DERPC: variants seen among roughly 807,000 people sequenced by gnomAD.
DERPC encodes DERPC proline and glycine rich nuclear protein.
A neutral mutation model predicts 7.2 loss-of-function variants in DERPC; 1 was observed. The observed-to-expected ratio is 0.14, with a 90% confidence interval of 0.05 to 0.66. The LOEUF (loss-of-function observed/expected upper bound fraction) is 0.66, where lower values mean the gene tolerates loss of function less well. Among genes scored for constraint, DERPC ranks in the 30% least tolerant of loss-of-function variants. DERPC has a pLI of 0.84. For missense variants in DERPC, 502 were observed against 299.4 expected (o/e 1.68, Z -4.99); for synonymous variants, 185 against 117.6 (o/e 1.57, Z -3.71).
In DERPC at chr16:69,118,220, G is replaced by A; in HGVS notation, c.*634C>T. On this transcript the variant is annotated 3_prime_UTR_variant, in exon 3 of 3. Transcript: ENST00000519520. ...AGTACCAGTGAAGAGGGAGTTGGATGAGTAGAGGGGCCTTAAATCTGGCCA... is the reference window on the plus strand; with the variant it reads ...AGTACCAGTGAAGAGGGAGTTGGATAAGTAGAGGGGCCTTAAATCTGGCCA... 1.8e-6 allele frequency: 1 copy of A among 554,922 alleles called. No homozygotes were observed. The allele number at this position is 554,922 out of a possible 1,614,324, so 34.4% of individuals were successfully genotyped here. A position where few individuals can be genotyped will look rare whatever the true frequency, so the allele number is the denominator to read the frequency against.
At chr16:69,129,722 G>GC (rs1034623442) in intron 1 of DERPC, among the ~76,000 whole-genome samples, 3 of 152,076 alleles carry the variant, frequency 2.0e-5, no homozygotes, top group African/African-American at 7.2e-5. Context: ...TCCTCACACA[G>GC]CCCCCTCCTG....
At chr16:69,122,244 G>A (rs1300205650) in intron 1 of DERPC, among the ~76,000 whole-genome samples, 1 of 152,134 alleles carries the variant, frequency 6.6e-6, no homozygotes, top group East Asian at 1.9e-4. Context: ...ATGGTCAACT[G>A]TATGTGCAAA....
At chr16:69,129,346 C>T (rs1192800936) in intron 1 of DERPC, among the ~76,000 whole-genome samples, 3 of 144,138 alleles carry the variant, frequency 2.1e-5, no homozygotes, top group African/African-American at 7.7e-5. Flanking sequence ...AGGAGAATGG[C>T]GTGAACCCAG....
At chr16:69,130,546 G>C (rs1432265207) in intron 1 of DERPC, among the ~76,000 whole-genome samples, 1 of 152,116 alleles carries the variant, frequency 6.6e-6, no homozygotes, top group African/African-American at 2.4e-5. Flanking sequence ...CTGTGATTTT[G>C]CCACCTATCC....
intron 1 of DERPC, among the ~76,000 whole-genome samples, chr16:69,127,239 C>CA (rs532264036): frequency 2.2e-3 from 242 of 108,708 alleles, no homozygotes; most frequent in South Asian, 4.6e-3. Flanking sequence ...AACTCCGTCT[C>CA]AAAAAAAAAA....
chr16:69,120,443 G>A lies in DERPC; in HGVS notation c.-15C>T, dbSNP rs368953196. ...GGTTCTTTCATACTTTCTTGGGGAC[G>A]CTGGTGATAATGGGCTTGGGGCGGG... is the stretch of plus-strand genomic sequence containing the variant. On this transcript the variant is annotated 5_prime_UTR_variant, in exon 3 of 3. Transcript: ENST00000519520. The surrounding 1 kb of genome is among the most constrained non-coding windows in gnomAD (Gnocchi z 4.0). 99 of 1,614,036 alleles carry A rather than the reference G, an allele frequency of 6.1e-5. 1 individual carries two copies. The South Asian group carries it at 6.6e-4, about 11-fold the overall frequency.
intron 1 of DERPC, among the ~76,000 whole-genome samples, chr16:69,123,904 A>T (rs1961862246): frequency 6.8e-6 from 1 of 147,154 alleles, no homozygotes; most frequent in South Asian, 2.2e-4. Flanking sequence ...CCTGGCCAAC[A>T]TGATGAAACC....
rs573779360 is a variant in DERPC, at chr16:69,120,504, A to G, written c.-76T>C. On this transcript the variant is annotated 5_prime_UTR_variant, in exon 3 of 3. An upstream open reading frame in the 5' UTR loses its in-frame stop. Transcript: ENST00000519520. This position sits in a 1 kb window ranked among gnomAD's most constrained non-coding sequence, Gnocchi z 4.0. The stretch of plus-strand genomic sequence containing the variant: ...GATCTTGTCTTTGATGAGTGCTGTC[A>G]CCAGGTACCGGGTGCCAGTCTCGCG... The G allele has an allele frequency of 1.9e-6, 3 of 1,614,114 alleles. No homozygotes were observed. In the African/African-American group the frequency reaches 4.0e-5, roughly 22 times the overall value.
At chr16:69,130,185 A>G (rs912075549) in intron 1 of DERPC, among the ~76,000 whole-genome samples, 1 of 152,372 alleles carries the variant, frequency 6.6e-6, no homozygotes, top group East Asian at 1.9e-4. Flanking sequence ...GTGGCAGAAG[A>G]AAGTGTGATA....
At chr16:69,126,176 A>G (rs910622880) in intron 1 of DERPC, among the ~76,000 whole-genome samples, 2 of 152,354 alleles carry the variant, frequency 1.3e-5, no homozygotes, top group Admixed American at 1.3e-4. Context: ...AGGTGTTCAC[A>G]TAGGTACACG....
intron 1 of DERPC, among the ~76,000 whole-genome samples, chr16:69,123,475 G>A (rs1341875915): frequency 6.6e-6 from 1 of 151,994 alleles, no homozygotes; most frequent in Non-Finnish European, 1.5e-5. Flanking sequence ...TGGCCAACAC[G>A]GTGAAACCCA....
intron 1 of DERPC, among the ~76,000 whole-genome samples, chr16:69,123,034 T>C (rs1180612697): frequency 6.6e-6 from 1 of 152,124 alleles, no homozygotes; most frequent in Non-Finnish European, 1.5e-5. Flanking sequence ...GCTGGGATTA[T>C]AGGCTTGAGC....
chr16:69,120,635 C>G lies in DERPC; in HGVS notation c.-207G>C, dbSNP rs1042258566. On this transcript the variant is annotated 5_prime_UTR_variant, in exon 3 of 3. The change abolishes the stop of an existing upstream ORF in the 5' untranslated region. Transcript: ENST00000519520. This position sits in a 1 kb window ranked among gnomAD's most constrained non-coding sequence, Gnocchi z 4.0. ...CATACAGGATATGATGCCCCACGAT[C>G]AGCACAGGGATTCCCTTTGGCAGAA... 1.2e-6 allele frequency: 2 copies of G among 1,611,746 alleles called. No homozygotes were observed. Among genetic ancestry groups the G allele is most frequent in the African/African-American group, 1.3e-5 (1 of 74,866 alleles).
chr16:69,126,487 C>T (rs955901312), intron 1 of DERPC, among the ~76,000 whole-genome samples: 4 of 152,174 alleles, frequency 2.6e-5, no homozygotes, highest in Non-Finnish European at 5.9e-5. Context: ...TATGGCATTA[C>T]CAGACATCTA....
intron 1 of DERPC, among the ~76,000 whole-genome samples, chr16:69,123,646 A>T (rs1284173044): frequency 6.6e-6 from 1 of 152,094 alleles, no homozygotes; most frequent in African/African-American, 2.4e-5. Flanking sequence ...AGACTGTCTC[A>T]AAAAATCAAT....
At chr16:69,124,132 T>C (rs1187250092) in intron 1 of DERPC, among the ~76,000 whole-genome samples, 5 of 151,648 alleles carry the variant, frequency 3.3e-5, no homozygotes. Context: ...AAGGATAATA[T>C]GCTTTCATTT....
At chr16:69,131,602 C>T (rs1026890291) in intron 1 of DERPC, among the ~76,000 whole-genome samples, 2 of 145,994 alleles carry the variant, frequency 1.4e-5, no homozygotes, top group African/African-American at 5.1e-5. Flanking sequence ...AATCCGCTTC[C>T]CCCCTCTTCT....
chr16:69,119,678 C>A lies in DERPC; in HGVS notation c.751G>T (p.Ala251Ser). Residue 251 changes from alanine to serine, a missense_variant, in exon 3 of 3, where the codon GCC becomes TCC. Coordinates refer to ENST00000519520, the MANE Select transcript of DERPC (RefSeq NM_001002847.4). ...GTGCCCAAGAGGCCACCTGCTCTGG[C>A]ATCTAGATTAGGGCCTGGGCCCAGG... ...SGLGPGPNLD[A>S]RAGGLLGTGS... The A allele has an allele frequency of 1.5e-6, 1 of 674,284 alleles. No individual in the cohort carries two copies. Among genetic ancestry groups the A allele is most frequent in the South Asian group, 1.6e-5 (1 of 64,302 alleles). The allele number at this position is 674,284 out of a possible 1,614,324, so 41.8% of individuals were successfully genotyped here. A position where few individuals can be genotyped will look rare whatever the true frequency, so the allele number is the denominator to read the frequency against.
In DERPC at chr16:69,118,903, G is replaced by C. The variant is rs1475169709; in HGVS notation, c.1526C>G (p.Pro509Arg). 1.4e-6 allele frequency: 1 copy of C among 703,148 alleles called. No homozygotes were observed. Among genetic ancestry groups the C allele is most frequent in the South Asian group, 1.5e-5 (1 of 67,604 alleles). The allele number at this position is 703,148 out of a possible 1,614,324, so 43.6% of individuals were successfully genotyped here. The change falls in exon 3 of 3, where the codon CCA becomes CGA. Residue 509 changes from proline (P) to arginine (R), a missense_variant. By Grantham distance (103) the Pro-to-Arg change is moderately radical. Coordinates refer to ENST00000519520, the MANE Select transcript of DERPC (RefSeq NM_001002847.4). ...PGTNPAAFPR[P>R]GGPMAAMYPN... ...GTACATTGCAGCCATTGGACCCCCTGGTCTGGGGAAAGCAGCTGGGTTTGT... is the reference window on the plus strand; with the variant it reads ...GTACATTGCAGCCATTGGACCCCCTCGTCTGGGGAAAGCAGCTGGGTTTGT...
Sources: gnomAD v4.1 joint callset for allele counts (sites outside exome capture counted in the v4.1 genomes callset) on GRCh38, gnomAD v4.1.1 for gene constraint, Gnocchi (gnomAD v3.1) non-coding constraint, MANE v1.5 for transcripts, NCBI Gene and HGNC (gene_info 2026-07-23, HGNC 2026-07-21) for gene names.